Variants in EDA observed in about 807,000 individuals in gnomAD.
EDA encodes ectodysplasin-A.
In EDA, 2 loss-of-function variants were observed where a neutral mutation model predicts 23.6. The ratio of observed to expected loss-of-function variants is 0.08; its 90% confidence interval spans 0.03 to 0.27. EDA has a LOEUF of 0.27. EDA is among the 10% of genes least tolerant of loss of function. The pLI is 1.00. For missense variants in EDA, 229 were observed against 324.2 expected, an observed-to-expected ratio of 0.71 and a Z score of 2.26; for synonymous variants, 131 against 132.0, an observed-to-expected ratio of 0.99 and a Z score of 0.05.
intron 2 of EDA, among the ~76,000 whole-genome samples, chrX:69,964,730 A>G (rs889342905): frequency 9.0e-5 from 10 of 111,283 alleles, no homozygotes; most frequent in African/African-American, 3.3e-4. Flanking sequence ...TCACTTCTGT[A>G]TGGCTCCTCA....
chrX:69,645,898 C>T (rs1932917888), intron 1 of EDA, among the ~76,000 whole-genome samples: 1 of 110,012 alleles, frequency 9.1e-6, no homozygotes, highest in South Asian at 3.9e-4. Context: ...TCTCTTTGTT[C>T]TCATTAGTTT....
intron 1 of EDA, among the ~76,000 whole-genome samples, chrX:69,777,798 G>T (rs1351222444): frequency 8.9e-6 from 1 of 111,958 alleles, no homozygotes; most frequent in African/African-American, 3.2e-5. Flanking sequence ...ACAAATTTAG[G>T]TATAAAACAA....
chrX:69,834,948 G>T (rs1377108327), intron 1 of EDA, among the ~76,000 whole-genome samples: 1 of 96,030 alleles, frequency 1.0e-5, no homozygotes, highest in Non-Finnish European at 2.2e-5. Context: ...CTCTGTAAAG[G>T]ATTTAATTTC....
chrX:69,937,968 G>A, intron 1 of EDA: 5 of 1,202,019 alleles, frequency 4.2e-6, no homozygotes, highest in Non-Finnish European at 5.6e-6. Flanking sequence ...CACGTTGCAA[G>A]CCCAAACTTC....
At chrX:70,003,388 G>C (rs761861588) in intron 2 of EDA, among the ~76,000 whole-genome samples, 203 of 111,953 alleles carry the variant, frequency 1.8e-3, no homozygotes, top group Non-Finnish European at 3.1e-3. Context: ...GATGATGATA[G>C]CTGCTATTTA....
chrX:69,958,649 A>G (rs376871761), intron 2 of EDA, among the ~76,000 whole-genome samples: 1 of 111,595 alleles, frequency 9.0e-6, no homozygotes, highest in Non-Finnish European at 1.9e-5. Context: ...TTTTGCATAC[A>G]ATTGATGACC....
chrX:69,835,949 T>C (rs1283531858), intron 1 of EDA, among the ~76,000 whole-genome samples: 1 of 112,233 alleles, frequency 8.9e-6, no homozygotes, highest in Non-Finnish European at 1.9e-5. Flanking sequence ...TGTTTGGTAG[T>C]TTTCCTTCTA....
chrX:69,948,905 T>C (rs1210533266), intron 1 of EDA, among the ~76,000 whole-genome samples: 1 of 111,871 alleles, frequency 8.9e-6, no homozygotes, highest in Non-Finnish European at 1.9e-5. Context: ...GTAATCATTT[T>C]ATATCTATGA....
chrX:69,765,442 A>T (rs1452046211), intron 1 of EDA, among the ~76,000 whole-genome samples: 3 of 111,636 alleles, frequency 2.7e-5, no homozygotes, highest in African/African-American at 9.8e-5. Flanking sequence ...ATCACTTTGC[A>T]GTATAGTGGT....
chrX:69,634,375 T>A (rs972480062), intron 1 of EDA, among the ~76,000 whole-genome samples: 3 of 111,496 alleles, frequency 2.7e-5, no homozygotes, highest in Non-Finnish European at 5.7e-5. Context: ...TGCGGTGGCA[T>A]GATCTCGGCT....
At chrX:69,874,135 A>G (rs954541776) in intron 1 of EDA, among the ~76,000 whole-genome samples, 2 of 110,622 alleles carry the variant, frequency 1.8e-5, no homozygotes, top group African/African-American at 6.6e-5. Flanking sequence ...ACATGGAGAA[A>G]CCCCATCTCT....
At chrX:69,834,910 TG>T (rs1195175011) in intron 1 of EDA, among the ~76,000 whole-genome samples, 1 of 111,535 alleles carries the variant, frequency 9.0e-6, no homozygotes, top group Non-Finnish European at 1.9e-5. Context: ...GCAGGCCTGG[TG>T]GTGACAAAAT....
chrX:69,664,295 G>A (rs1299281956), intron 1 of EDA, among the ~76,000 whole-genome samples: 2 of 111,361 alleles, frequency 1.8e-5, no homozygotes, highest in African/African-American at 3.3e-5. Flanking sequence ...ATCAAGGGGC[G>A]TGTCTTTTCC....
intron 1 of EDA, among the ~76,000 whole-genome samples, chrX:69,925,400 T>G (rs1270728698): frequency 8.9e-6 from 1 of 111,996 alleles, no homozygotes; most frequent in African/African-American, 3.2e-5. Flanking sequence ...CTGCATCTAT[T>G]GAGATAATCA....
intron 1 of EDA, among the ~76,000 whole-genome samples, chrX:69,627,607 C>T (rs910642971): frequency 7.2e-5 from 8 of 111,570 alleles, no homozygotes; most frequent in Admixed American, 1.9e-4. Flanking sequence ...CATTTGAGAA[C>T]GTACTGCTCT....
chrX:69,676,842 T>C (rs1934106329), intron 1 of EDA, among the ~76,000 whole-genome samples: 1 of 110,970 alleles, frequency 9.0e-6, no homozygotes, highest in African/African-American at 3.3e-5. Context: ...TTTTTTATTA[T>C]TACACTTTAA....
chrX:69,716,449 C>T (rs1276635595), intron 1 of EDA, among the ~76,000 whole-genome samples: 1 of 110,933 alleles, frequency 9.0e-6, no homozygotes, highest in Non-Finnish European at 1.9e-5. Context: ...GTTCCATTAC[C>T]ATGCTGTTTT....
intron 1 of EDA, among the ~76,000 whole-genome samples, chrX:69,652,136 C>G (rs1338969362): frequency 3.6e-5 from 4 of 111,157 alleles, no homozygotes; most frequent in Non-Finnish European, 7.5e-5. Context: ...TAAGTACAAC[C>G]TGTCACCGAG....
At chrX:69,817,662 A>C (rs1464149527) in intron 1 of EDA, among the ~76,000 whole-genome samples, 3 of 112,438 alleles carry the variant, frequency 2.7e-5, no homozygotes, top group African/African-American at 9.7e-5. Flanking sequence ...CAACAAGAAG[A>C]GCTATTTAGG....
Sources: allele counts gnomAD v4.1 joint callset (sites outside exome capture counted in the v4.1 genomes callset), GRCh38; gene constraint gnomAD v4.1.1; transcripts MANE v1.5; gene names NCBI Gene and HGNC (gene_info 2026-07-23, HGNC 2026-07-21).